HS3ST4: variants seen among roughly 807,000 people sequenced by gnomAD.
The protein encoded by HS3ST4 is heparan sulfate glucosamine 3-O-sulfotransferase 4.
Under a neutral mutation model 29.2 loss-of-function variants are expected in HS3ST4, and 17 were observed. That is an observed-to-expected ratio of 0.58 (90% CI 0.40 to 0.87). The LOEUF (loss-of-function observed/expected upper bound fraction) is 0.87, where lower values mean the gene tolerates loss of function less well. Among genes scored for constraint, HS3ST4 ranks in the 40% least tolerant of loss-of-function variants. HS3ST4 has a pLI of 0.00. For synonymous variants in HS3ST4, 314 were observed against 285.7 expected, an observed-to-expected ratio of 1.10 and a Z score of -1.00; for missense variants, 627 against 634.5, an observed-to-expected ratio of 0.99 and a Z score of 0.13.
At chr16:25,828,915 A>G (rs754885705) in intron 1 of HS3ST4, among the ~76,000 whole-genome samples, 14 of 152,236 alleles carry the variant, frequency 9.2e-5, no homozygotes, top group Non-Finnish European at 1.8e-4. Context: ...GAAGAACACT[A>G]TAAGGTTCAT....
intron 1 of HS3ST4, among the ~76,000 whole-genome samples, chr16:26,030,493 C>T (rs1969522006): frequency 6.6e-6 from 1 of 152,210 alleles, no homozygotes; most frequent in Non-Finnish European, 1.5e-5. Flanking sequence ...CACCTGAAGC[C>T]ATGGCTGGTG....
At chr16:25,839,121 GACTCTGT>G (rs1445290209) in intron 1 of HS3ST4, among the ~76,000 whole-genome samples, 1 of 152,160 alleles carries the variant, frequency 6.6e-6, no homozygotes, top group African/African-American at 2.4e-5. Context: ...GTAAATCCAG[GACTCTGT>G]ATATATCCTC....
intron 1 of HS3ST4, among the ~76,000 whole-genome samples, chr16:26,119,071 G>T (rs538509933): frequency 1.9e-4 from 29 of 152,238 alleles, no homozygotes; most frequent in African/African-American, 6.5e-4. Flanking sequence ...ATTCATTTTT[G>T]ATTTAAAAAA....
intron 1 of HS3ST4, among the ~76,000 whole-genome samples, chr16:25,771,050 GC>G (rs1966841291): frequency 6.6e-6 from 1 of 151,892 alleles, no homozygotes. Flanking sequence ...GTATACACGT[GC>G]CATGGTGGTT....
At chr16:25,709,521 C>T (rs141015781) in intron 1 of HS3ST4, among the ~76,000 whole-genome samples, 286 of 152,254 alleles carry the variant, frequency 1.9e-3, no homozygotes, top group Middle Eastern at 6.8e-3. Context: ...CCCCGAAGTA[C>T]AACCGAATAA....
intron 1 of HS3ST4, among the ~76,000 whole-genome samples, chr16:25,857,911 C>T (rs112462268): frequency 0.17 from 12,137 of 72,060 alleles, 827 homozygotes; most frequent in Middle Eastern, 0.22. Context: ...TTCCTTCCTT[C>T]CTTCCTTCCT....
At chr16:26,063,933 T>C (rs1429355693) in intron 1 of HS3ST4, among the ~76,000 whole-genome samples, 1 of 152,188 alleles carries the variant, frequency 6.6e-6, no homozygotes, top group African/African-American at 2.4e-5. Context: ...TTGTTGGTAA[T>C]TAACATCCCC....
Position 25,790,217 on chromosome 16 carries a change from C to T in HS3ST4, c.734+97066C>T, listed in dbSNP as rs551627849. 7.7e-4 allele frequency among the ~76,000 whole-genome samples: 117 copies of T among 152,076 alleles called. 1 individual carries two copies. Among genetic ancestry groups the T allele is most frequent in the African/African-American group, 2.7e-3 (112 of 41,456 alleles). ...CCTGAAGTCAGGAGTTCAAGACCAC[C>T]GTGGCCAACATGGTGAAACCCCGTC... On this transcript the variant is annotated intron_variant, in intron 1 of 1. Transcript: ENST00000331351.
rs933802131 is a variant in HS3ST4, at chr16:25,864,007, T to C, written c.734+170856T>C. ...AAGGTGCAGAGAGCCACCTTCCTGC[T>C]GCCTGCCGCCTCTTCGCCTCTTCGC... is the stretch of plus-strand genomic sequence containing the variant. On this transcript the variant is annotated intron_variant, in intron 1 of 1. Coordinates refer to ENST00000331351, the MANE Select transcript of HS3ST4 (RefSeq NM_006040.3). Among the ~76,000 whole-genome samples, 20 of 140,164 alleles carry C rather than the reference T, an allele frequency of 1.4e-4. 1 individual carries two copies. The highest frequency in any genetic ancestry group is 1.4e-3 in the Admixed American group (18 of 13,326). The allele number at this position is 140,164 out of a possible 152,430, so 92.0% of individuals were successfully genotyped here.
chr16:25,809,367 G>C (rs1203788007), intron 1 of HS3ST4, among the ~76,000 whole-genome samples: 1 of 152,098 alleles, frequency 6.6e-6, no homozygotes, highest in Non-Finnish European at 1.5e-5. Context: ...TTTTGAATCT[G>C]CTTTGCATAC....
intron 1 of HS3ST4, among the ~76,000 whole-genome samples, chr16:25,716,387 G>A (rs1410689663): frequency 6.6e-6 from 1 of 152,194 alleles, no homozygotes; most frequent in African/African-American, 2.4e-5. Flanking sequence ...GGATTTGAGA[G>A]TAGCTGCTGT....
At chr16:26,048,061 G>A (rs1167779416) in intron 1 of HS3ST4, among the ~76,000 whole-genome samples, 1 of 152,164 alleles carries the variant, frequency 6.6e-6, no homozygotes, top group African/African-American at 2.4e-5. Flanking sequence ...TATCTCCTGA[G>A]ACCTTTCTCC....
chr16:26,025,328 A>C (rs949883819), intron 1 of HS3ST4: 1 of 154,450 alleles, frequency 6.5e-6, no homozygotes, highest in Non-Finnish European at 1.5e-5. Context: ...TTGATTGCCA[A>C]GTCTCCTTGC....
chr16:25,966,764 G>A (rs1337393708), intron 1 of HS3ST4, among the ~76,000 whole-genome samples: 3 of 152,150 alleles, frequency 2.0e-5, no homozygotes, highest in Non-Finnish European at 4.4e-5. Context: ...AATGTTTGAT[G>A]GTCGTGGTGG....
chr16:25,996,791 G>C (rs1225982024), intron 1 of HS3ST4, among the ~76,000 whole-genome samples: 1 of 151,926 alleles, frequency 6.6e-6, no homozygotes, highest in African/African-American at 2.4e-5. Flanking sequence ...ACAAAAATTT[G>C]GGATCCTATT....
intron 1 of HS3ST4, among the ~76,000 whole-genome samples, chr16:25,874,663 C>A (rs1259842466): frequency 1.3e-5 from 2 of 152,196 alleles, no homozygotes; most frequent in Non-Finnish European, 2.9e-5. Flanking sequence ...ATCCTTCCAT[C>A]CAGAAAATGT....
chr16:25,752,230 G>A (rs755168854), intron 1 of HS3ST4, among the ~76,000 whole-genome samples: 4 of 152,120 alleles, frequency 2.6e-5, no homozygotes, highest in African/African-American at 9.7e-5. Context: ...GGGCTCTTTA[G>A]CTTTAGATAA....
At chr16:25,847,937 G>C (rs944093479) in intron 1 of HS3ST4, among the ~76,000 whole-genome samples, 29 of 151,962 alleles carry the variant, frequency 1.9e-4, no homozygotes, top group African/African-American at 6.3e-4. Flanking sequence ...ATTCTTTTGA[G>C]GGTCTTTACT....
At chr16:25,798,256 C>T (rs1002548756) in intron 1 of HS3ST4, among the ~76,000 whole-genome samples, 1 of 152,148 alleles carries the variant, frequency 6.6e-6, no homozygotes, top group Non-Finnish European at 1.5e-5. Flanking sequence ...AGCCAGGATA[C>T]AGTAGTGTAT....
Sources: gnomAD v4.1 joint callset for allele counts (sites outside exome capture counted in the v4.1 genomes callset) on GRCh38, gnomAD v4.1.1 for gene constraint, MANE v1.5 for transcripts, NCBI Gene and HGNC (gene_info 2026-07-23, HGNC 2026-07-21) for gene names.